SLCO6A1: variants seen among roughly 807,000 people sequenced by gnomAD.
The protein encoded by SLCO6A1 is solute carrier organic anion transporter family member 6A1, also known as cancer/testis antigen 48.
In SLCO6A1, 65 loss-of-function variants were observed where a neutral mutation model predicts 72.7. The observed-to-expected ratio is 0.89, with a 90% CI of 0.73 to 1.10. SLCO6A1 has a LOEUF of 1.10. Among genes scored for constraint, SLCO6A1 ranks in the 50% least tolerant of loss-of-function variants. The pLI, the probability that SLCO6A1 is intolerant of heterozygous loss-of-function variation, is 0.00. For missense variants in SLCO6A1, 874 were observed against 872.6 expected (o/e 1.00, Z -0.02); for synonymous variants, 314 against 298.2 (o/e 1.05, Z -0.55).
intron 9 of SLCO6A1, among the ~76,000 whole-genome samples, chr5:102,409,602 A>G (rs1282423025): frequency 6.6e-6 from 1 of 152,130 alleles, no homozygotes; most frequent in Non-Finnish European, 1.5e-5. Context: ...TTTTCTATCA[A>G]AGCCATTTTT....
At chr5:102,411,723 T>C (rs1210301758) in intron 9 of SLCO6A1, among the ~76,000 whole-genome samples, 1 of 152,154 alleles carries the variant, frequency 6.6e-6, no homozygotes, top group Non-Finnish European at 1.5e-5. Flanking sequence ...CTTTCTAATC[T>C]GACTCTGGCA....
chr5:102,410,239 C>G (rs936896566), intron 9 of SLCO6A1, among the ~76,000 whole-genome samples: 4 of 152,084 alleles, frequency 2.6e-5, no homozygotes, highest in Non-Finnish European at 5.9e-5. Context: ...GAGAGGGTTG[C>G]TCCTCTCTGC....
chr5:102,407,070 C>T (rs566917854), intron 9 of SLCO6A1, among the ~76,000 whole-genome samples: 1 of 152,296 alleles, frequency 6.6e-6, no homozygotes, highest in South Asian at 2.1e-4. Context: ...AGGCATGACT[C>T]AACTCCGTAG....
chr5:102,465,464 C>T (rs1751264947), intron 4 of SLCO6A1, among the ~76,000 whole-genome samples: 1 of 152,040 alleles, frequency 6.6e-6, no homozygotes, highest in Non-Finnish European at 1.5e-5. Flanking sequence ...GCTTATTTCC[C>T]CACTACCCTA....
At chr5:102,408,690 G>A (rs1253951165) in intron 9 of SLCO6A1, among the ~76,000 whole-genome samples, 1 of 151,818 alleles carries the variant, frequency 6.6e-6, no homozygotes, top group African/African-American at 2.4e-5. Context: ...TCAGGCAGAA[G>A]AAAAATAATC....
chr5:102,458,573 A>G, intron 5 of SLCO6A1, 82 bp from the exon 6 acceptor site: 1 of 827,300 alleles, frequency 1.2e-6, no homozygotes, highest in Non-Finnish European at 1.9e-6. Context: ...ACACCCTAAT[A>G]AATTCAATTA....
At chr5:102,493,086 G>A (rs1752755862) in intron 1 of SLCO6A1, among the ~76,000 whole-genome samples, 6 of 152,028 alleles carry the variant, frequency 3.9e-5, no homozygotes, top group Admixed American at 3.9e-4. Flanking sequence ...ACTACACAAA[G>A]GGTACATAAT....
At chr5:102,413,447 G>A (rs1748102992) in intron 8 of SLCO6A1, among the ~76,000 whole-genome samples, 1 of 150,850 alleles carries the variant, frequency 6.6e-6, no homozygotes, top group Non-Finnish European at 1.5e-5. Context: ...TGTGCCCCTT[G>A]GTAATTTCCC....
intron 10 of SLCO6A1, among the ~76,000 whole-genome samples, chr5:102,398,619 A>T (rs1747232073): frequency 6.6e-6 from 1 of 152,172 alleles, no homozygotes. Flanking sequence ...AGTGGTTCCC[A>T]GGTGTGTACA....
intron 7 of SLCO6A1, among the ~76,000 whole-genome samples, chr5:102,435,427 A>T (rs539461859): frequency 6.6e-6 from 1 of 152,264 alleles, no homozygotes; most frequent in East Asian, 1.9e-4. Context: ...ATGAATTGTT[A>T]CCCAACGTGC....
intron 4 of SLCO6A1, among the ~76,000 whole-genome samples, chr5:102,469,853 G>C (rs1751511743): frequency 6.6e-6 from 1 of 152,124 alleles, no homozygotes; most frequent in South Asian, 2.1e-4. Flanking sequence ...AGTTTATTGA[G>C]AGTTTTTAGC....
At chr5:102,384,775 T>C (rs965519507) in intron 12 of SLCO6A1, among the ~76,000 whole-genome samples, 1 of 152,138 alleles carries the variant, frequency 6.6e-6, no homozygotes, top group African/African-American at 2.4e-5. Flanking sequence ...AATTTGACTA[T>C]GTATTTGACC....
chr5:102,441,721 G>A (rs898223093), intron 6 of SLCO6A1, among the ~76,000 whole-genome samples: 1 of 151,910 alleles, frequency 6.6e-6, no homozygotes, highest in Non-Finnish European at 1.5e-5. Flanking sequence ...CTTTAATAAT[G>A]TTGCATAAAG....
chr5:102,394,686 GA>G (rs1746964695), intron 10 of SLCO6A1, among the ~76,000 whole-genome samples: 1 of 151,882 alleles, frequency 6.6e-6, no homozygotes, highest in Non-Finnish European at 1.5e-5. Context: ...AAGATATTAA[GA>G]ATATATTGTT....
At chr5:102,416,180 T>C (rs1748274378) in intron 8 of SLCO6A1, among the ~76,000 whole-genome samples, 1 of 152,054 alleles carries the variant, frequency 6.6e-6, no homozygotes, top group Non-Finnish European at 1.5e-5. Context: ...ATAACTACCA[T>C]TCAATCTAGT....
intron 1 of SLCO6A1, among the ~76,000 whole-genome samples, chr5:102,491,844 C>A (rs1212268988): frequency 6.6e-6 from 1 of 152,242 alleles, no homozygotes; most frequent in Admixed American, 6.5e-5. Context: ...AGAGTGGGCG[C>A]CAAGGCGGAG....
chr5:102,433,826 C>A (rs1749353063), intron 7 of SLCO6A1, among the ~76,000 whole-genome samples: 1 of 152,006 alleles, frequency 6.6e-6, no homozygotes, highest in South Asian at 2.1e-4. Context: ...GTGCTAGCCT[C>A]CATGGGGGAG....
At chr5:102,436,065 T>C (rs935605522) in intron 7 of SLCO6A1, among the ~76,000 whole-genome samples, 1 of 152,198 alleles carries the variant, frequency 6.6e-6, no homozygotes, top group African/African-American at 2.4e-5. Flanking sequence ...TTCTATCCCA[T>C]TGGCACCCAA....
At chr5:102,451,244 A>C (rs1039358738) in intron 6 of SLCO6A1, among the ~76,000 whole-genome samples, 1 of 152,142 alleles carries the variant, frequency 6.6e-6, no homozygotes, top group Admixed American at 6.5e-5. Context: ...TACCTCTGGG[A>C]GCCCCATCCC....
Sources: gnomAD v4.1 joint callset for allele counts (sites outside exome capture counted in the v4.1 genomes callset) on GRCh38, gnomAD v4.1.1 for gene constraint, MANE v1.5 for transcripts, NCBI Gene and HGNC (gene_info 2026-07-23, HGNC 2026-07-21) for gene names.